TASP1: variants seen among roughly 807,000 people sequenced by gnomAD.
TASP1 encodes threonine aspartase 1.
Under a neutral mutation model 56.6 loss-of-function variants are expected in TASP1, and 16 were observed. The observed-to-expected ratio is 0.28, with a 90% confidence interval of 0.19 to 0.43. The LOEUF (loss-of-function observed/expected upper bound fraction) is 0.43, where lower values mean the gene tolerates loss of function less well. Among genes scored for constraint, TASP1 ranks in the 20% least tolerant of loss-of-function variants. TASP1 has a pLI of 1.00. For missense variants in TASP1, 393 were observed against 511.6 expected (o/e 0.77, Z 2.24); for synonymous variants, 179 against 184.2 (o/e 0.97, Z 0.23).
intron 11 of TASP1, among the ~76,000 whole-genome samples, chr20:13,459,978 G>GA (rs1281131436): frequency 6.6e-6 from 1 of 151,918 alleles, no homozygotes; most frequent in Non-Finnish European, 1.5e-5. Context: ...ATATAGACAA[G>GA]AAAAAAACAC....
the TASP1 span, among the ~76,000 whole-genome samples, chr20:13,146,314 G>C: frequency 6.6e-6 from 1 of 151,996 alleles, no homozygotes; most frequent in African/African-American, 2.4e-5. Flanking sequence ...GCAGAAGAGA[G>C]AACTATTGTA....
the TASP1 span, among the ~76,000 whole-genome samples, chr20:13,124,365 G>A: frequency 6.6e-6 from 1 of 151,688 alleles, no homozygotes; most frequent in Non-Finnish European, 1.5e-5. Flanking sequence ...AAGGGAAGAA[G>A]GGAGGGAGGA....
the TASP1 span, among the ~76,000 whole-genome samples, chr20:13,337,728 T>C: frequency 6.6e-6 from 1 of 152,306 alleles, no homozygotes; most frequent in South Asian, 2.1e-4. Context: ...AGTTCTTGAG[T>C]GGGACAGCAA....
At chr20:13,105,578 C>A in the TASP1 span, among the ~76,000 whole-genome samples, 1 of 152,110 alleles carries the variant, frequency 6.6e-6, no homozygotes, top group Non-Finnish European at 1.5e-5. Context: ...GTTTATGTGA[C>A]CTTTTTGGTG....
chr20:13,149,090 T>C, the TASP1 span, among the ~76,000 whole-genome samples: 1 of 152,232 alleles, frequency 6.6e-6, no homozygotes, highest in Non-Finnish European at 1.5e-5. Context: ...AACAGCCTCC[T>C]CAGAGAATCC....
chr20:13,581,524 G>A (rs1725820836), intron 5 of TASP1, among the ~76,000 whole-genome samples: 1 of 152,108 alleles, frequency 6.6e-6, no homozygotes, highest in South Asian at 2.1e-4. Flanking sequence ...CTTCAAATTG[G>A]GTAAGGGTGG....
intron 11 of TASP1, among the ~76,000 whole-genome samples, chr20:13,444,358 C>T (rs79478599): frequency 1.4e-3 from 212 of 152,216 alleles, no homozygotes; most frequent in African/African-American, 4.8e-3. Context: ...CTGTGCATTG[C>T]TTTTTTCTTT....
At chr20:13,590,190 C>G (rs2047470124) in intron 4 of TASP1, among the ~76,000 whole-genome samples, 1 of 152,084 alleles carries the variant, frequency 6.6e-6, no homozygotes, top group Non-Finnish European at 1.5e-5. Flanking sequence ...CAAGATCTTG[C>G]ACCACTGCAC....
At chr20:13,243,167 A>G in the TASP1 span, among the ~76,000 whole-genome samples, 1 of 152,172 alleles carries the variant, frequency 6.6e-6, no homozygotes, top group African/African-American at 2.4e-5. Flanking sequence ...CTTGGAATTC[A>G]GAAGACATAA....
chr20:13,300,089 G>T, the TASP1 span: 1 of 152,180 alleles, frequency 6.6e-6, no homozygotes, highest in Non-Finnish European at 1.5e-5. Context: ...GATTCCAAAA[G>T]TCTCTTCTTC....
chr20:13,603,771 T>C (rs1243002339), intron 4 of TASP1, among the ~76,000 whole-genome samples: 1 of 152,330 alleles, frequency 6.6e-6, no homozygotes, highest in East Asian at 1.9e-4. Context: ...ATGTCTCTTA[T>C]TGATCAAACT....
chr20:13,397,138 T>A (rs1206263957), intron 13 of TASP1, among the ~76,000 whole-genome samples: 1 of 152,222 alleles, frequency 6.6e-6, no homozygotes, highest in Non-Finnish European at 1.5e-5. Flanking sequence ...CATGGAGAAT[T>A]ATCATGAATA....
At chr20:13,166,215 C>CTTGGTT in the TASP1 span, 2 of 152,644 alleles carry the variant, frequency 1.3e-5, no homozygotes, top group Non-Finnish European at 2.9e-5. Context: ...TCAAGAGAGG[C>CTTGGTT]TTGGTTTTGT....
At chr20:13,271,995 G>C in the TASP1 span, among the ~76,000 whole-genome samples, 184 of 151,956 alleles carry the variant, frequency 1.2e-3, 1 homozygote, top group Non-Finnish European at 1.3e-3. Flanking sequence ...CTCAGGCTGG[G>C]CTCAAACTCC....
At chr20:13,630,414 C>A (rs1056233544) in intron 1 of TASP1, among the ~76,000 whole-genome samples, 1 of 151,994 alleles carries the variant, frequency 6.6e-6, no homozygotes, top group Non-Finnish European at 1.5e-5. Flanking sequence ...TAGGGGCGAG[C>A]GCAGTGGCTT....
the TASP1 span, among the ~76,000 whole-genome samples, chr20:13,309,235 A>G: frequency 5.3e-5 from 8 of 152,126 alleles, no homozygotes; most frequent in African/African-American, 2.4e-5. Context: ...GAGATGAATG[A>G]CAGTGAGTGG....
intron 8 of TASP1, among the ~76,000 whole-genome samples, chr20:13,539,857 A>G (rs2045558068): frequency 6.6e-6 from 1 of 152,192 alleles, no homozygotes; most frequent in Non-Finnish European, 1.5e-5. Flanking sequence ...GGTTTTTAAG[A>G]TAATCTTTTA....
At chr20:13,399,095 C>T (rs2041647123) in intron 13 of TASP1, among the ~76,000 whole-genome samples, 1 of 152,152 alleles carries the variant, frequency 6.6e-6, no homozygotes, top group Admixed American at 6.5e-5. Flanking sequence ...CCTGCTTCTC[C>T]TTGAAACACC....
At chr20:13,514,894 C>T (rs1007344635) in intron 10 of TASP1, among the ~76,000 whole-genome samples, 9 of 152,126 alleles carry the variant, frequency 5.9e-5, no homozygotes, top group African/African-American at 1.9e-4. Context: ...CCATGACATA[C>T]ATTCAATAAC....
Sources: gnomAD v4.1 joint callset for allele counts (sites outside exome capture counted in the v4.1 genomes callset) on GRCh38, gnomAD v4.1.1 for gene constraint, MANE v1.5 for transcripts, NCBI Gene and HGNC (gene_info 2026-07-23, HGNC 2026-07-21) for gene names.